AGAP3: variants seen among roughly 807,000 people sequenced by gnomAD.
AGAP3 encodes the protein arf-GAP with GTPase, ANK repeat and PH domain-containing protein 3.
Under a neutral mutation model 96.9 loss-of-function variants are expected in AGAP3, and 24 were observed. The ratio of observed to expected loss-of-function variants is 0.25; its 90% CI spans 0.18 to 0.35. The LOEUF (loss-of-function observed/expected upper bound fraction) is 0.35. AGAP3 is among the 10% of genes least tolerant of loss of function. The pLI is 1.00. For missense variants in AGAP3, 876 were observed against 1,254.2 expected, an observed-to-expected ratio of 0.70 and a Z score of 4.55; for synonymous variants, 563 against 536.1, an observed-to-expected ratio of 1.05 and a Z score of -0.69.
At chr7:151,087,253 G>C (rs1027185577) in intron 1 of AGAP3, 181 bp downstream of exon 1, 2 of 663,638 alleles carry the variant, frequency 3.0e-6, no homozygotes, top group Non-Finnish European at 2.6e-6. Flanking sequence ...GCCATATCTC[G>C]TTCGGGGACA....
intron 1 of AGAP3, chr7:151,115,016 G>A (rs1245468687): frequency 2.4e-4 from 237 of 989,656 alleles, no homozygotes; most frequent in Non-Finnish European, 2.8e-4. Context: ...TCCTGCGCCC[G>A]CGCCTCGGCC....
intron 10 of AGAP3, among the ~76,000 whole-genome samples, chr7:151,129,782 C>T (rs1800332929): frequency 1.3e-5 from 2 of 152,112 alleles, no homozygotes; most frequent in South Asian, 2.1e-4. Flanking sequence ...CTGGGAAGAG[C>T]GCCTACCACA....
Position 151,086,720 on chromosome 7 carries a change from C to T in AGAP3, c.-22C>T. The T allele has an allele frequency of 2.5e-6, 2 of 786,258 alleles. No individual in the cohort carries two copies. The highest frequency in any genetic ancestry group is 3.1e-6 in the Non-Finnish European group (2 of 653,290). The allele number at this position is 786,258 out of a possible 1,614,324, so 48.7% of individuals were successfully genotyped here. A position where few individuals can be genotyped will look rare whatever the true frequency, so the allele number is the denominator to read the frequency against. Reference sequence around the variant, plus strand: ...CCGCCGCGCCGCCCCGGGCCCGCCTCGGGCCCCACGGCTCCGAAGCCATGA... The same window carrying T: ...CCGCCGCGCCGCCCCGGGCCCGCCTTGGGCCCCACGGCTCCGAAGCCATGA... On this transcript the variant is annotated 5_prime_UTR_variant, in exon 1 of 18. Coordinates refer to ENST00000397238, the MANE Select transcript of AGAP3 (RefSeq NM_031946.7).
In AGAP3 at chr7:151,141,978, C is replaced by T; in HGVS notation, c.1885C>T (p.Arg629Trp). 6.2e-7 allele frequency: 1 copy of T among 1,614,122 alleles called. No individual in the cohort carries two copies. Residue 629 changes from arginine to tryptophan, a missense_variant, in exon 14 of 18, where the codon CGG (arginine) becomes TGG (tryptophan). Around this residue, in one of 8 missense-constraint regions of AGAP3, gnomAD observed 103 missense variants for 183.0 expected, o/e 0.56. Coordinates refer to ENST00000397238, the MANE Select transcript of AGAP3 (RefSeq NM_031946.7). The surrounding 1 kb of genome is among the most constrained non-coding windows in gnomAD (Gnocchi z 4.2). ...WHFEASTAEE[R>W]ELWVQSVQAQ... is the part of the protein sequence containing the mutation. ...CTTCGAGGCTTCAACGGCGGAGGAG[C>T]GGGAGCTGTGGGTTCAGAGTGTGCA...
At chr7:151,105,999 G>C (rs1799041509) in intron 1 of AGAP3, among the ~76,000 whole-genome samples, 1 of 151,596 alleles carries the variant, frequency 6.6e-6, no homozygotes, top group Non-Finnish European at 1.5e-5. Context: ...GAGGTTTAAT[G>C]GGTTTAATAA....
At chr7:151,113,163 G>T (rs1173249268) in intron 1 of AGAP3, among the ~76,000 whole-genome samples, 1 of 152,226 alleles carries the variant, frequency 6.6e-6, no homozygotes, top group Non-Finnish European at 1.5e-5. Context: ...AGTCAAGGCA[G>T]AATGTGTTTC....
At chr7:151,088,100 G>A (rs1798233169) in intron 1 of AGAP3, among the ~76,000 whole-genome samples, 1 of 152,256 alleles carries the variant, frequency 6.6e-6, no homozygotes, top group South Asian at 2.1e-4. Flanking sequence ...ATGGGCAGGG[G>A]CCTGTCCCTG....
In AGAP3 at chr7:151,114,586, T is replaced by G; in HGVS notation, c.332-2207T>G. On this transcript the variant is annotated intron_variant, in intron 1 of 17. Coordinates refer to ENST00000397238, the MANE Select transcript of AGAP3 (RefSeq NM_031946.7). The surrounding 1 kb of genome is among the most constrained non-coding windows in gnomAD (Gnocchi z 4.4). ...AGACTTGCCGCCTCTCTCTCCGGGC[T>G]GGGCTGACTCCCGGCCTCTCCAGGT... 1 of 455,296 alleles carries G rather than the reference T, an allele frequency of 2.2e-6. No individual in the cohort carries two copies. Among genetic ancestry groups the G allele is most frequent in the Non-Finnish European group, 2.9e-6 (1 of 343,968 alleles). 28.2% of individuals were successfully genotyped at this position (455,296 alleles called of 1,614,324 possible). A position where few individuals can be genotyped will look rare whatever the true frequency, so the allele number is the denominator to read the frequency against.
chr7:151,141,863 C>T lies in AGAP3; in HGVS notation c.1805-35C>T. On this transcript the variant is annotated intron_variant, in intron 13 of 17. Coordinates refer to ENST00000397238, the MANE Select transcript of AGAP3 (RefSeq NM_031946.7). The surrounding 1 kb of genome is among the most constrained non-coding windows in gnomAD (Gnocchi z 4.2). Reference sequence around the variant, plus strand: ...GCATGCCCTGGGTGTGCACGCAGGCCAGGAGCCCTGATGGCATAAACACCC... The same window carrying T: ...GCATGCCCTGGGTGTGCACGCAGGCTAGGAGCCCTGATGGCATAAACACCC... 1.9e-6 allele frequency: 3 copies of T among 1,614,064 alleles called. No homozygotes were observed. Among genetic ancestry groups the T allele is most frequent in the Non-Finnish European group, 2.5e-6 (3 of 1,179,976 alleles).
At chr7:151,128,393 T>G in intron 9 of AGAP3, 187 bp from the exon 10 acceptor site, 3 of 559,688 alleles carry the variant, frequency 5.4e-6, no homozygotes, top group Non-Finnish European at 9.6e-6. Flanking sequence ...GAGAGCCGAG[T>G]TCTGGGGAAG....
At chr7:151,123,374 C>T (rs1475995166) in intron 8 of AGAP3, 2 of 1,056,202 alleles carry the variant, frequency 1.9e-6, no homozygotes, top group Middle Eastern at 4.5e-4. Flanking sequence ...CTCGGTGCCA[C>T]GTGCCGTGTG....
chr7:151,129,832 G>A (rs1436717197), intron 10 of AGAP3, among the ~76,000 whole-genome samples: 2 of 152,228 alleles, frequency 1.3e-5, no homozygotes, highest in African/African-American at 4.8e-5. Flanking sequence ...GGCGCTCTGC[G>A]GGTACCAGGC....
chr7:151,127,277 GTGT>G (rs1800217670), intron 9 of AGAP3, among the ~76,000 whole-genome samples: 1 of 152,210 alleles, frequency 6.6e-6, no homozygotes, highest in African/African-American at 2.4e-5. Context: ...CTTAGTCCCT[GTGT>G]TGTTGGCTGT....
chr7:151,138,742 G>T (rs920821348), intron 12 of AGAP3, among the ~76,000 whole-genome samples: 1 of 152,198 alleles, frequency 6.6e-6, no homozygotes, highest in Non-Finnish European at 1.5e-5. Flanking sequence ...TAGGGAGGTC[G>T]GACGGAGGCT....
Position 151,139,832 on chromosome 7 carries a change from C to T in AGAP3, c.1667-147C>T, listed in dbSNP as rs1019105796. ...GGGACTGGGAAGCCCAGGCAGACCT[C>T]GCCTAGAGAGAGGTGTCCGTCTGGC... On this transcript the variant is annotated intron_variant, in intron 12 of 17. Transcript: ENST00000397238. This position sits in a 1 kb window ranked among gnomAD's most constrained non-coding sequence, Gnocchi z 4.9. The T allele has an allele frequency of 2.0e-4, 141 of 718,442 alleles. No individual in the cohort carries two copies. Among genetic ancestry groups the T allele is most frequent in the Middle Eastern group, 4.2e-4 (1 of 2,400 alleles). 44.5% of individuals were successfully genotyped at this position (718,442 alleles called of 1,614,324 possible).
chr7:151,095,701 CAAAAAAAAAAAAAAAA>C (rs35926416), intron 1 of AGAP3, among the ~76,000 whole-genome samples: 1 of 83,012 alleles, frequency 1.2e-5, no homozygotes, highest in South Asian at 5.5e-4. Context: ...CACAGTTGTA[CAAAAAAAAAAAAAAAA>C]AAAAAAAAAA....
rs1251360600 is a variant in AGAP3 at position 151,090,974 on chromosome 7, CG to C, written c.331+3904del. Among the ~76,000 whole-genome samples, 5 of 152,294 alleles carry C rather than the reference CG, an allele frequency of 3.3e-5. No individual in the cohort carries two copies. The East Asian group carries it at 9.6e-4, about 29-fold the overall frequency. ...AAAACAAAAACAAAACAAAACAAAA[CG>C]GCATACGCCCTGGCATCCCACAGCC... On this transcript the variant is annotated intron_variant, in intron 1 of 17. Transcript: ENST00000397238.
At chr7:151,119,916 T>G in intron 7 of AGAP3, 71 bp from the exon 8 acceptor site, 1 of 1,523,672 alleles carries the variant, frequency 6.6e-7, no homozygotes, top group African/African-American at 1.4e-5. Context: ...GCACAGGGAT[T>G]CCCGGCACCC....
chr7:151,123,530 C>A (rs967597263), intron 8 of AGAP3: 1 of 1,288,178 alleles, frequency 7.8e-7, no homozygotes. Flanking sequence ...GCGTGCTCCT[C>A]GCGCCCTCGG....
Sources: allele counts gnomAD v4.1 joint callset (sites outside exome capture counted in the v4.1 genomes callset), GRCh38; gene constraint gnomAD v4.1.1; regional missense constraint gnomAD v4.1.1; non-coding constraint Gnocchi (gnomAD v3.1); transcripts MANE v1.5; gene names NCBI Gene and HGNC (gene_info 2026-07-23, HGNC 2026-07-21).